HDAC9: variants seen among roughly 807,000 people sequenced by gnomAD.
The protein encoded by HDAC9 is MEF-2 interacting transcription repressor (MITR) protein.
In HDAC9, 41 loss-of-function variants were observed where a neutral mutation model predicts 139.4. The observed-to-expected ratio is 0.29, with a 90% confidence interval of 0.23 to 0.38. The LOEUF (loss-of-function observed/expected upper bound fraction) is 0.38, where lower values mean the gene tolerates loss of function less well. HDAC9 is among the 10% of genes least tolerant of loss of function. The pLI is 1.00. For synonymous variants in HDAC9, 517 were observed against 476.2 expected (o/e 1.09, Z -1.12); for missense variants, 1,147 against 1,297.0 (o/e 0.88, Z 1.78).
chr7:18,978,761 C>T (rs999229179), intron 25 of HDAC9, among the ~76,000 whole-genome samples: 1 of 152,136 alleles, frequency 6.6e-6, no homozygotes, highest in African/African-American at 2.4e-5. Flanking sequence ...CTATCTGTTT[C>T]AAAATGCTTC....
At chr7:18,170,203 A>G (rs190488925) in intron 2 of HDAC9, among the ~76,000 whole-genome samples, 134 of 152,182 alleles carry the variant, frequency 8.8e-4, no homozygotes, top group Non-Finnish European at 1.6e-3. Flanking sequence ...CATTTCTCTG[A>G]TGACCAGTGA....
At chr7:18,435,183 T>C (rs1323126936) in intron 1 of HDAC9, among the ~76,000 whole-genome samples, 2 of 151,850 alleles carry the variant, frequency 1.3e-5, no homozygotes, top group Non-Finnish European at 2.9e-5. Context: ...ATATTCTTAC[T>C]TATACTTGGG....
At chr7:18,512,017 C>CAAAAAAA (rs11337572) in intron 2 of HDAC9, among the ~76,000 whole-genome samples, 1 of 96,578 alleles carries the variant, frequency 1.0e-5, no homozygotes, top group Non-Finnish European at 2.0e-5. Flanking sequence ...ATGAATTAAG[C>CAAAAAAA]AAAAAAAAAA....
chr7:18,681,915 T>C (rs560987552), intron 12 of HDAC9, among the ~76,000 whole-genome samples: 6 of 152,050 alleles, frequency 3.9e-5, no homozygotes, highest in African/African-American at 9.7e-5. Flanking sequence ...CTAACGCTAA[T>C]AGAACCATTG....
chr7:18,249,898 C>A (rs1187863025), intron 2 of HDAC9, among the ~76,000 whole-genome samples: 1 of 152,050 alleles, frequency 6.6e-6, no homozygotes, highest in African/African-American at 2.4e-5. Context: ...TATAAATATG[C>A]CTGCTAATTT....
At chr7:18,350,646 G>A (rs17139092) in intron 1 of HDAC9, among the ~76,000 whole-genome samples, 6,771 of 152,192 alleles carry the variant, frequency 0.044, 187 homozygotes, top group East Asian at 0.11. Flanking sequence ...CTGTCCCACT[G>A]GGAATGGTTA....
chr7:18,739,948 T>C (rs1375379462), intron 13 of HDAC9, among the ~76,000 whole-genome samples: 1 of 152,180 alleles, frequency 6.6e-6, no homozygotes, highest in Admixed American at 6.5e-5. Flanking sequence ...CCAGCTGCTT[T>C]GTTTTAGCTA....
At chr7:18,772,195 T>C (rs1490208689) in intron 16 of HDAC9, among the ~76,000 whole-genome samples, 1 of 152,038 alleles carries the variant, frequency 6.6e-6, no homozygotes, top group Non-Finnish European at 1.5e-5. Flanking sequence ...AATGTGTGAG[T>C]TGTGTGTTGG....
intron 1 of HDAC9, among the ~76,000 whole-genome samples, chr7:18,159,331 A>AT (rs1331320086): frequency 6.6e-6 from 1 of 152,206 alleles, no homozygotes; most frequent in East Asian, 1.9e-4. Flanking sequence ...GCTTATAAGA[A>AT]TGACTAATAT....
intron 13 of HDAC9, among the ~76,000 whole-genome samples, chr7:18,739,673 T>C (rs915160250): frequency 2.0e-5 from 3 of 152,198 alleles, no homozygotes; most frequent in Non-Finnish European, 4.4e-5. Flanking sequence ...ATATGAGGTG[T>C]CTGTCGGTCC....
intron 21 of HDAC9, among the ~76,000 whole-genome samples, chr7:18,857,628 T>C (rs1797789115): frequency 6.6e-6 from 1 of 152,102 alleles, no homozygotes; most frequent in South Asian, 2.1e-4. Flanking sequence ...GGAAGAAATT[T>C]GTTTACAGAG....
chr7:18,282,355 A>G (rs1797159130), intron 2 of HDAC9, among the ~76,000 whole-genome samples: 1 of 152,242 alleles, frequency 6.6e-6, no homozygotes, highest in Admixed American at 6.5e-5. Flanking sequence ...TTAAGATTAT[A>G]TAGTTAGTAA....
intron 21 of HDAC9, among the ~76,000 whole-genome samples, chr7:18,860,044 T>G (rs1797993826): frequency 6.6e-6 from 1 of 151,404 alleles, no homozygotes; most frequent in Non-Finnish European, 1.5e-5. Flanking sequence ...TAATGGGAAA[T>G]GCAATATGTG....
intron 2 of HDAC9, among the ~76,000 whole-genome samples, chr7:18,185,002 C>A (rs1789793380): frequency 6.6e-6 from 1 of 152,128 alleles, no homozygotes; most frequent in South Asian, 2.1e-4. Context: ...CTATGTAATT[C>A]TTCCCACCTA....
intron 22 of HDAC9, among the ~76,000 whole-genome samples, chr7:18,882,418 C>T (rs567021070): frequency 6.6e-6 from 1 of 152,058 alleles, no homozygotes; most frequent in East Asian, 1.9e-4. Flanking sequence ...GTGCGGAGAC[C>T]CAGCTGTTAA....
chr7:18,854,299 T>A (rs1797516308), intron 21 of HDAC9, among the ~76,000 whole-genome samples: 1 of 152,150 alleles, frequency 6.6e-6, no homozygotes, highest in Non-Finnish European at 1.5e-5. Flanking sequence ...GAGAAATGCT[T>A]AGCTCTATCT....
intron 25 of HDAC9, among the ~76,000 whole-genome samples, chr7:18,990,880 G>A (rs1785859081): frequency 6.6e-6 from 1 of 152,238 alleles, no homozygotes; most frequent in Non-Finnish European, 1.5e-5. Context: ...CCCAAGTGAG[G>A]CAATGTCTCG....
intron 2 of HDAC9, among the ~76,000 whole-genome samples, chr7:18,259,394 G>T (rs1033447285): frequency 2.0e-5 from 3 of 151,786 alleles, no homozygotes; most frequent in Non-Finnish European, 4.4e-5. Flanking sequence ...ACAGGATCTT[G>T]CTCTTTCCCC....
chr7:18,816,350 T>G (rs1794562319), intron 17 of HDAC9, among the ~76,000 whole-genome samples: 1 of 152,234 alleles, frequency 6.6e-6, no homozygotes, highest in Non-Finnish European at 1.5e-5. Context: ...ATCACAGAGA[T>G]TAGTGTAGCT....
Sources: allele counts gnomAD v4.1 joint callset (sites outside exome capture counted in the v4.1 genomes callset), GRCh38; gene constraint gnomAD v4.1.1; transcripts MANE v1.5; gene names NCBI Gene and HGNC (gene_info 2026-07-23, HGNC 2026-07-21).